DERL1: variants seen among roughly 807,000 people sequenced by gnomAD.
DERL1 encodes the protein derlin 1, also known as derlin-1.
In DERL1, 24 loss-of-function variants were observed where a neutral mutation model predicts 41.6. That is an observed-to-expected ratio of 0.58 (90% CI 0.42 to 0.81). The LOEUF is 0.81. Among genes scored for constraint, DERL1 ranks in the 30% least tolerant of loss-of-function variants. DERL1 has a pLI of 0.00. For missense variants in DERL1, 260 were observed against 314.3 expected, an observed-to-expected ratio of 0.83 and a Z score of 1.31; for synonymous variants, 124 against 112.5, an observed-to-expected ratio of 1.10 and a Z score of -0.65.
At chr8:123,037,945 C>T (rs1331361863) in intron 1 of DERL1, among the ~76,000 whole-genome samples, 3 of 152,098 alleles carry the variant, frequency 2.0e-5, no homozygotes, top group African/African-American at 7.2e-5. Context: ...AGTTAATCAA[C>T]GATTAATATG....
chr8:123,034,683 C>T (rs1045019045), intron 1 of DERL1, among the ~76,000 whole-genome samples: 6 of 152,210 alleles, frequency 3.9e-5, no homozygotes, highest in African/African-American at 1.4e-4. Flanking sequence ...TTATGAGGTA[C>T]AATTACAATT....
chr8:123,019,706 G>A (rs1814706616), intron 6 of DERL1, among the ~76,000 whole-genome samples: 1 of 152,208 alleles, frequency 6.6e-6, no homozygotes, highest in South Asian at 2.1e-4. Flanking sequence ...AAGCGTGGGA[G>A]TAAGGAAAAG....
chr8:123,028,334 A>G (rs1460410677), intron 2 of DERL1, among the ~76,000 whole-genome samples: 2 of 152,210 alleles, frequency 1.3e-5, no homozygotes, highest in Non-Finnish European at 2.9e-5. Flanking sequence ...ACAGGAATGA[A>G]CCTTAAAAAC....
intron 2 of DERL1, chr8:123,030,401 G>A: frequency 2.3e-6 from 1 of 436,950 alleles, no homozygotes; most frequent in Non-Finnish European, 4.0e-6. Context: ...TGGTAACACT[G>A]CTACTTATAC....
rs974429981 is a variant in DERL1 at position 123,021,449 on chromosome 8, G to C, written c.504C>G (p.Gly168=). ...VILGFNYIIG[G]SVINELIGNL... The stretch of plus-strand genomic sequence containing the variant: ...TAAATAAATCTAATATCACTTACGA[G>C]CCTCCGATGATATAGTTGAATCCAA... The change falls in exon 6 of 8, where the codon GGC becomes GGG. Residue 168 remains glycine (G), a splice_region_variant and synonymous_variant. Coordinates refer to ENST00000259512, the MANE Select transcript of DERL1 (RefSeq NM_024295.6). 1 of 1,612,802 alleles carries C rather than the reference G, an allele frequency of 6.2e-7. No individual in the cohort carries two copies. The highest frequency in any genetic ancestry group is 8.5e-7 in the Non-Finnish European group (1 of 1,178,978).
chr8:123,022,982 T>C (rs1026237823), intron 4 of DERL1, among the ~76,000 whole-genome samples: 1 of 152,188 alleles, frequency 6.6e-6, no homozygotes, highest in South Asian at 2.1e-4. Context: ...AACAAAACTA[T>C]ATTATTTTAG....
rs1267336502 is a variant in DERL1, at chr8:123,015,480, G to A, written c.723C>T (p.Asn241=). ...CTCCAAGTCGAAAGCCCTGGCCCCA[G>A]TTGTGTCTCCCGCCTCCGCCATTCT... is the stretch of plus-strand genomic sequence containing the variant. ...ADQNGGGGRH[N]WGQGFRLGDQ The change falls in exon 8 of 8, where the codon AAC becomes AAT. Residue 241 remains asparagine, a synonymous_variant. Transcript: ENST00000259512. The A allele has an allele frequency of 1.2e-6, 2 of 1,613,634 alleles. No homozygotes were observed. The highest frequency in any genetic ancestry group is 2.2e-5 in the South Asian group (2 of 90,874).
intron 7 of DERL1, chr8:123,018,049 C>A (rs539728333): frequency 1.1e-3 from 160 of 152,262 alleles, no homozygotes; most frequent in African/African-American, 3.5e-3. Flanking sequence ...GAAAAACATA[C>A]CCCTACCCTA....
chr8:123,037,585 G>A (rs1029592165), intron 1 of DERL1, among the ~76,000 whole-genome samples: 3 of 152,140 alleles, frequency 2.0e-5, no homozygotes, highest in South Asian at 2.1e-4. Flanking sequence ...CTTTCTACTC[G>A]AATAGAAAAG....
intron 6 of DERL1, among the ~76,000 whole-genome samples, chr8:123,019,829 C>A (rs991698991): frequency 1.3e-5 from 2 of 152,164 alleles, no homozygotes; most frequent in African/African-American, 4.8e-5. Flanking sequence ...AGCCGACTTG[C>A]ACCCTGAAAT....
chr8:123,030,704 T>C lies in DERL1; in HGVS notation c.166A>G (p.Ile56Val). 6.2e-7 allele frequency: 1 copy of C among 1,611,498 alleles called. No homozygotes were observed. Among genetic ancestry groups the C allele is most frequent in the African/African-American group, 1.3e-5 (1 of 74,964 alleles). ...FLYRFQIWRP[I>V]TATFYFPVGP... Reference sequence around the variant, plus strand: ...ACAGGGAAATAAAAGGTGGCAGTGATTGGCCTCCAAATCTGTCCAGATCAA... The same window carrying C: ...ACAGGGAAATAAAAGGTGGCAGTGACTGGCCTCCAAATCTGTCCAGATCAA... The change falls in exon 2 of 8, where the codon ATC becomes GTC. Residue 56 changes from isoleucine (I) to valine (V), a missense_variant. By Grantham distance (29) the Ile-to-Val change is conservative (BLOSUM62 3). Coordinates refer to ENST00000259512, the MANE Select transcript of DERL1 (RefSeq NM_024295.6).
Position 123,019,192 on chromosome 8 carries a change from T to C in DERL1, c.617+3A>G, listed in dbSNP as rs375483266. Reference sequence around the variant, plus strand: ...TTAGATGAGACAGGACAAAAACACTTACAAAAACTGAGGTGTGGATAGAAA... The same window carrying C: ...TTAGATGAGACAGGACAAAAACACTCACAAAAACTGAGGTGTGGATAGAAA... On this transcript the variant is annotated splice_donor_region_variant and intron_variant, in intron 7 of 7. Transcript: ENST00000259512. The C allele has an allele frequency of 6.0e-5, 96 of 1,592,570 alleles. No individual in the cohort carries two copies. Among genetic ancestry groups the C allele is most frequent in the Non-Finnish European group, 7.1e-5 (82 of 1,160,762 alleles).
At chr8:123,028,993 C>T (rs1432726381) in intron 2 of DERL1, among the ~76,000 whole-genome samples, 4 of 151,692 alleles carry the variant, frequency 2.6e-5, no homozygotes, top group African/African-American at 7.3e-5. Context: ...ACTTGAACCC[C>T]GGCAGTCAAG....
intron 2 of DERL1, 41 bp from the exon 3 acceptor site, chr8:123,025,091 C>T: frequency 6.3e-7 from 1 of 1,599,526 alleles, no homozygotes; most frequent in Non-Finnish European, 8.5e-7. Flanking sequence ...TTCAGAATTT[C>T]ACAACAAAGT....
chr8:123,023,481 G>C (rs1812612740), intron 4 of DERL1, among the ~76,000 whole-genome samples: 1 of 152,120 alleles, frequency 6.6e-6, no homozygotes, highest in African/African-American at 2.4e-5. Flanking sequence ...CTTGAACCCG[G>C]GAGGCGGAGG....
At chr8:123,027,608 T>C (rs1812730247) in intron 2 of DERL1, among the ~76,000 whole-genome samples, 1 of 152,136 alleles carries the variant, frequency 6.6e-6, no homozygotes, top group Admixed American at 6.5e-5. Context: ...AGGCAACTTA[T>C]AAAAATCAAA....
chr8:123,030,161 A>G (rs1812791574), intron 2 of DERL1: 1 of 153,534 alleles, frequency 6.5e-6, no homozygotes, highest in South Asian at 2.0e-4. Flanking sequence ...TTTAGAGTTG[A>G]GTTTTTCAAT....
At chr8:123,023,554 CATAAATAA>C (rs199697709) in intron 4 of DERL1, among the ~76,000 whole-genome samples, 151 bp downstream of exon 4, 3 of 151,768 alleles carry the variant, frequency 2.0e-5, no homozygotes, top group Admixed American at 1.3e-4. Context: ...GACTCCATCT[CATAAATAA>C]ATAAATAAAT....
chr8:123,036,444 G>C (rs1329842981), intron 1 of DERL1, among the ~76,000 whole-genome samples: 2 of 152,152 alleles, frequency 1.3e-5, no homozygotes, highest in Non-Finnish European at 2.9e-5. Flanking sequence ...CAAGAGCATA[G>C]TCACCCTTAG....
Sources: allele counts gnomAD v4.1 joint callset (sites outside exome capture counted in the v4.1 genomes callset), GRCh38; gene constraint gnomAD v4.1.1; transcripts MANE v1.5; gene names NCBI Gene and HGNC (gene_info 2026-07-23, HGNC 2026-07-21).